Variants in CPVL observed in about 807,000 individuals in gnomAD.
The protein encoded by CPVL is carboxypeptidase vitellogenic like, also known as probable serine carboxypeptidase CPVL.
A neutral mutation model predicts 63.7 loss-of-function variants in CPVL; 51 were observed. The ratio of observed to expected loss-of-function variants is 0.80; its 90% CI spans 0.64 to 1.01. CPVL has a LOEUF of 1.01. Ranked by LOEUF, CPVL falls within the 50% of genes least tolerant of loss-of-function variation. CPVL has a pLI of 0.00. For synonymous variants in CPVL, 195 were observed against 206.0 expected (o/e 0.95, Z 0.46); for missense variants, 530 against 573.1 (o/e 0.92, Z 0.77).
intron 1 of CPVL, among the ~76,000 whole-genome samples, chr7:29,142,138 A>C (rs967997997): frequency 2.0e-5 from 3 of 152,228 alleles, no homozygotes; most frequent in East Asian, 1.9e-4. Flanking sequence ...TTACTAGTGC[A>C]GATATGGTCT....
At chr7:29,035,919 C>T (rs1308465012) in intron 11 of CPVL, among the ~76,000 whole-genome samples, 1 of 152,182 alleles carries the variant, frequency 6.6e-6, no homozygotes, top group Non-Finnish European at 1.5e-5. Context: ...CACTCAAATG[C>T]TCTTTCCCTG....
intron 2 of CPVL, among the ~76,000 whole-genome samples, chr7:29,119,517 T>C (rs985129884): frequency 3.4e-5 from 5 of 148,336 alleles, no homozygotes; most frequent in South Asian, 2.1e-4. Flanking sequence ...AAAGAGCAGA[T>C]GCAGGTCATA....
At chr7:29,099,090 A>G (rs1786778207) in intron 3 of CPVL, among the ~76,000 whole-genome samples, 1 of 152,128 alleles carries the variant, frequency 6.6e-6, no homozygotes, top group East Asian at 1.9e-4. Context: ...AATAATAAAT[A>G]AAATAAAAAT....
rs138372907 is a variant in CPVL at position 29,142,319 on chromosome 7, G to A, written c.-11+4110C>T. ...AGATCTTATCCTTTTTTCTCTTTCC[G>A]TACATTCCCATTCAACCACCCCTTG... is the stretch of plus-strand genomic sequence containing the variant. On this transcript the variant is annotated intron_variant, in intron 1 of 12. Coordinates refer to ENST00000265394, the MANE Select transcript of CPVL (RefSeq NM_031311.5). Among the ~76,000 whole-genome samples, 882 of 151,958 alleles carry A rather than the reference G, an allele frequency of 5.8e-3. 8 individuals carry two copies. Among genetic ancestry groups the A allele is most frequent in the African/African-American group, 0.02 (843 of 41,448 alleles).
intron 12 of CPVL, among the ~76,000 whole-genome samples, chr7:29,003,053 C>A (rs1784813097): frequency 1.3e-5 from 2 of 151,842 alleles, no homozygotes; most frequent in African/African-American, 2.4e-5. Flanking sequence ...TTGAGAAGCT[C>A]TATGAATCCT....
Position 29,063,550 on chromosome 7 carries a change from A to G in CPVL, c.1137+511T>C, listed in dbSNP as rs373063312. 4.5e-3 allele frequency among the ~76,000 whole-genome samples: 687 copies of G among 152,142 alleles called. 4 individuals are homozygous for G. Among genetic ancestry groups the G allele is most frequent in the African/African-American group, 0.016 (647 of 41,502 alleles). On this transcript the variant is annotated intron_variant, in intron 11 of 12. Coordinates refer to ENST00000265394, the MANE Select transcript of CPVL (RefSeq NM_031311.5). ...TTTCATTTTAAGGAATAATCAGGGG[A>G]AAGTGGTTAAATTATTTTATTTTAT... is the stretch of plus-strand genomic sequence containing the variant.
intron 7 of CPVL, among the ~76,000 whole-genome samples, chr7:29,083,216 T>C (rs1015369198): frequency 2.6e-5 from 4 of 152,198 alleles, no homozygotes; most frequent in African/African-American, 9.6e-5. Context: ...GGACCATTTT[T>C]CTCTTTCCCT....
At position 29,151,823 on chromosome 7, in the gene CPVL, G is replaced by A. The variant is rs1433603466; in HGVS notation, c.-11+29467C>T. Among the ~76,000 whole-genome samples the A allele has an allele frequency of 4.6e-5, 7 of 152,236 alleles. No individual in the cohort carries two copies. In the East Asian group the frequency reaches 7.7e-4, roughly 17 times the overall value. Reference sequence around the variant, plus strand: ...GAAGAGAACACCACCAATCCTACAAGGCTGATCTGAGGATTTGACGAAATT... The same window carrying A: ...GAAGAGAACACCACCAATCCTACAAAGCTGATCTGAGGATTTGACGAAATT... On this transcript the variant is annotated intron_variant, in intron 5 of 16. Coordinates refer to the CPVL transcript ENST00000409850.
chr7:29,112,123 A>G (rs992831281), intron 3 of CPVL, among the ~76,000 whole-genome samples: 2 of 152,224 alleles, frequency 1.3e-5, no homozygotes, highest in African/African-American at 4.8e-5. Flanking sequence ...TCCTGCCAGA[A>G]GCCTTCCTAG....
intron 1 of CPVL, among the ~76,000 whole-genome samples, chr7:29,141,822 G>A (rs1224283442): frequency 6.7e-6 from 1 of 150,346 alleles, no homozygotes; most frequent in Non-Finnish European, 1.5e-5. Context: ...GGCTGAGGCA[G>A]GAGAATCACT....
intron 12 of CPVL, among the ~76,000 whole-genome samples, chr7:29,015,416 C>G (rs1203545296): frequency 1.3e-5 from 2 of 152,110 alleles, no homozygotes; most frequent in African/African-American, 4.8e-5. Flanking sequence ...ATGAATGGTG[C>G]TTTCCCCACC....
chr7:29,148,474 C>G (rs1336104475), upstream of CPVL: 1 of 152,224 alleles, frequency 6.6e-6, no homozygotes, highest in Non-Finnish European at 1.5e-5. Flanking sequence ...TGTTGAATAA[C>G]ACGTTTTAAC....
intron 11 of CPVL, among the ~76,000 whole-genome samples, chr7:29,050,758 G>A (rs1790069256): frequency 6.6e-6 from 1 of 151,420 alleles, no homozygotes; most frequent in South Asian, 2.1e-4. Context: ...AAATTCATAT[G>A]GAACAACAAC....
At chr7:29,031,921 C>A (rs1788057745) in intron 11 of CPVL, among the ~76,000 whole-genome samples, 2 of 152,050 alleles carry the variant, frequency 1.3e-5, no homozygotes, top group South Asian at 2.1e-4. Context: ...TGTACATATT[C>A]ACATATATGG....
intron 11 of CPVL, among the ~76,000 whole-genome samples, chr7:29,042,186 T>C (rs201145521): frequency 6.6e-6 from 1 of 152,200 alleles, no homozygotes; most frequent in East Asian, 1.9e-4. Flanking sequence ...GAGCAGCAGA[T>C]ACTCCCATAA....
upstream of CPVL, chr7:29,146,656 C>T (rs1441768490): frequency 6.4e-7 from 1 of 1,550,476 alleles, no homozygotes; most frequent in South Asian, 1.2e-5. Flanking sequence ...CTGGCCGCAT[C>T]AAGTCAGCGC....
At chr7:29,142,958 C>T (rs17677510) in intron 1 of CPVL, among the ~76,000 whole-genome samples, 18,237 of 152,116 alleles carry the variant, frequency 0.12, 1,157 homozygotes, top group Non-Finnish European at 0.14. Context: ...CAGTTCAACC[C>T]TTACTTGCCC....
chr7:29,125,388 C>CTTTT (rs57975250), intron 1 of CPVL, among the ~76,000 whole-genome samples: 4 of 74,136 alleles, frequency 5.4e-5, no homozygotes, highest in African/African-American at 1.0e-4. Context: ...ACTCTCCCGT[C>CTTTT]TTTTTTTTTT....
At chr7:29,116,882 C>T (rs752744341) in intron 2 of CPVL, among the ~76,000 whole-genome samples, 2 of 152,004 alleles carry the variant, frequency 1.3e-5, no homozygotes, top group African/African-American at 2.4e-5. Context: ...TGTTTTTTTG[C>T]GAGCTACTGT....
Sources: allele counts gnomAD v4.1 joint callset (sites outside exome capture counted in the v4.1 genomes callset), GRCh38; gene constraint gnomAD v4.1.1; transcripts MANE v1.5; gene names NCBI Gene and HGNC (gene_info 2026-07-23, HGNC 2026-07-21).